Variants in GRAMD4 observed in about 807,000 individuals in gnomAD.
The protein encoded by GRAMD4 is GRAM domain containing 4, also known as GRAM domain-containing protein 4.
Under a neutral mutation model 83.9 loss-of-function variants are expected in GRAMD4, and 25 were observed. The observed-to-expected ratio is 0.30, with a 90% confidence interval of 0.22 to 0.42. The LOEUF (loss-of-function observed/expected upper bound fraction) is 0.42. Among genes scored for constraint, GRAMD4 ranks in the 10% least tolerant of loss-of-function variants. The pLI is 1.00. For missense variants in GRAMD4, 593 were observed against 788.7 expected, an observed-to-expected ratio of 0.75 and a Z score of 2.97; for synonymous variants, 336 against 320.9, an observed-to-expected ratio of 1.05 and a Z score of -0.50.
rs1345895870 is a variant in GRAMD4, at chr22:46,674,712, G to A, written c.1440G>A (p.Thr480=). 11 of 1,612,812 alleles carry A rather than the reference G, an allele frequency of 6.8e-6. No individual in the cohort carries two copies. The highest frequency in any genetic ancestry group is 2.7e-5 in the African/African-American group (2 of 74,942). The change falls in exon 16 of 19, where the codon ACG becomes ACA. Residue 480 remains threonine (T), a synonymous_variant. Coordinates refer to ENST00000406902, the MANE Select transcript of GRAMD4 (RefSeq NM_015124.5). ...CLINRDRKMP[T]DYIRNGVLYV... The stretch of plus-strand genomic sequence containing the variant: ...TCAACAGGGACCGGAAGATGCCCAC[G>A]GACTACATCAGGAACGGGGTGCTCT...
At chr22:46,609,230 G>C (rs113393264) in intron 1 of GRAMD4, among the ~76,000 whole-genome samples, 4 of 152,210 alleles carry the variant, frequency 2.6e-5, no homozygotes, top group African/African-American at 9.6e-5. Flanking sequence ...GTCTGGGCCG[G>C]CTTGGCCTCA....
intron 1 of GRAMD4, among the ~76,000 whole-genome samples, chr22:46,613,677 G>T (rs2081440361): frequency 1.3e-5 from 2 of 152,220 alleles, no homozygotes; most frequent in African/African-American, 4.8e-5. Context: ...GCAGAGGGCA[G>T]GGTGCCAGGA....
At position 46,622,601 on chromosome 22, in the gene GRAMD4, C is replaced by T. The variant is rs558114095; in HGVS notation, c.-50+2036C>T. ...AGCATCACAGATGTAATTTATGCCA[C>T]GGAGCTGCACGCTAAAAACTGGTGA... On this transcript the variant is annotated intron_variant, in intron 1 of 18. Coordinates refer to ENST00000406902, the MANE Select transcript of GRAMD4 (RefSeq NM_015124.5). This position sits in a 1 kb window ranked among gnomAD's most constrained non-coding sequence, Gnocchi z 4.0. Among the ~76,000 whole-genome samples, 5 of 152,220 alleles carry T rather than the reference C, an allele frequency of 3.3e-5. No homozygotes were observed. In the South Asian group the frequency reaches 6.2e-4, roughly 19 times the overall value.
At chr22:46,641,804 A>T (rs973246803) in intron 3 of GRAMD4, among the ~76,000 whole-genome samples, 1 of 152,132 alleles carries the variant, frequency 6.6e-6, no homozygotes, top group South Asian at 2.1e-4. Context: ...GTCATTTTCT[A>T]CTTCCGCTAT....
chr22:46,624,884 A>G (rs771976474), intron 1 of GRAMD4, among the ~76,000 whole-genome samples: 7 of 138,262 alleles, frequency 5.1e-5, no homozygotes, highest in Non-Finnish European at 7.7e-5. Flanking sequence ...TTTTTGAGAC[A>G]GAGTCTCGCT....
intron 1 of GRAMD4, among the ~76,000 whole-genome samples, chr22:46,603,567 A>T (rs2147061805): frequency 8.2e-6 from 1 of 122,408 alleles, no homozygotes; most frequent in East Asian, 2.4e-4. Context: ...CCCAGGCTGG[A>T]GTGCAGTGGC....
At chr22:46,646,757 G>C (rs1015886618) in intron 3 of GRAMD4, among the ~76,000 whole-genome samples, 1 of 152,200 alleles carries the variant, frequency 6.6e-6, no homozygotes, top group Non-Finnish European at 1.5e-5. Context: ...CTCTGTGTTA[G>C]TGTGTTTTCA....
chr22:46,665,092 T>C (rs544545059), intron 8 of GRAMD4, among the ~76,000 whole-genome samples: 13 of 152,352 alleles, frequency 8.5e-5, no homozygotes, highest in African/African-American at 2.2e-4. Context: ...CACGCTCCTG[T>C]GCCATGTCTG....
At chr22:46,594,365 G>C (rs960827598) in intron 1 of GRAMD4, among the ~76,000 whole-genome samples, 2 of 149,496 alleles carry the variant, frequency 1.3e-5, no homozygotes, top group Admixed American at 1.3e-4. Flanking sequence ...GGGTGGGGTG[G>C]GTATGGTGGG....
intron 3 of GRAMD4, among the ~76,000 whole-genome samples, chr22:46,655,500 G>C (rs1000870234): frequency 2.0e-5 from 3 of 152,176 alleles, no homozygotes; most frequent in Non-Finnish European, 4.4e-5. Context: ...GGATGGATCT[G>C]GGATCTTGGA....
At chr22:46,580,517 A>G (rs1274291800) in intron 1 of GRAMD4, among the ~76,000 whole-genome samples, 1 of 152,144 alleles carries the variant, frequency 6.6e-6, no homozygotes, top group African/African-American at 2.4e-5. Context: ...AGTTATGTGA[A>G]CAGAGTGTCA....
At chr22:46,670,257 C>T (rs762998357) in intron 13 of GRAMD4, among the ~76,000 whole-genome samples, 1 of 152,368 alleles carries the variant, frequency 6.6e-6, no homozygotes, top group East Asian at 1.9e-4. Flanking sequence ...CCTGACCCAG[C>T]GTAACTGCTG....
At chr22:46,618,722 G>GATGT (rs2147128629), upstream of GRAMD4, among the ~76,000 whole-genome samples, 2 of 152,196 alleles carry the variant, frequency 1.3e-5, no homozygotes, top group African/African-American at 4.8e-5. This position sits in a 1 kb window ranked among gnomAD's most constrained non-coding sequence, Gnocchi z 5.8. Flanking sequence ...GGAGGCACGC[G>GATGT]GCTGCCTGGA....
At chr22:46,671,166 G>A (rs913597873) in intron 13 of GRAMD4, 3 of 453,028 alleles carry the variant, frequency 6.6e-6, no homozygotes, top group Non-Finnish European at 1.4e-5. Flanking sequence ...CGGCCACCAC[G>A]TGGAGGAGGC....
At chr22:46,675,322 T>C (rs1025479521) in intron 16 of GRAMD4, 146 bp from the exon 17 acceptor site, 2 of 695,908 alleles carry the variant, frequency 2.9e-6, no homozygotes. Context: ...TGGCCGTGAG[T>C]GTTTCACCGG....
intron 1 of GRAMD4, among the ~76,000 whole-genome samples, chr22:46,606,779 A>G (rs2081369800): frequency 6.6e-6 from 1 of 152,246 alleles, no homozygotes; most frequent in Non-Finnish European, 1.5e-5. Context: ...TTGGACGGGC[A>G]CTCGGGTTAT....
At position 46,585,189 on chromosome 22, in the gene GRAMD4, CT is replaced by C. The variant is rs1175346006; in HGVS notation, c.-50+7902del. Among the ~76,000 whole-genome samples the C allele has an allele frequency of 1.2e-4, 18 of 145,398 alleles. No homozygotes were observed. The South Asian group carries it at 4.6e-3, about 37-fold the overall frequency. ...TGAGTGGAGCCTGTCTTTTTTCTTT[CT>C]TTCTTTTTTTTTTTTTTTAGATGGA... On this transcript the variant is annotated intron_variant, in intron 1 of 1. Transcript: ENST00000431155.
In GRAMD4 at chr22:46,635,279, C is replaced by T. The variant is rs35652750; in HGVS notation, c.163-2561C>T. Reference sequence around the variant, plus strand: ...CACTCCTGTCCTGGGGGACCGTGTCCTCCCTGCCCCCGCCCCCGGCCACTC... The same window carrying T: ...CACTCCTGTCCTGGGGGACCGTGTCTTCCCTGCCCCCGCCCCCGGCCACTC... On this transcript the variant is annotated intron_variant, in intron 2 of 18. Coordinates refer to ENST00000406902, the MANE Select transcript of GRAMD4 (RefSeq NM_015124.5). 7.1e-3 allele frequency among the ~76,000 whole-genome samples: 371 copies of T among 52,030 alleles called. 1 individual carries two copies. Among genetic ancestry groups the T allele is most frequent in the African/African-American group, 0.018 (169 of 9,526 alleles). The allele number at this position is 52,030 out of a possible 152,430, so 34.1% of individuals were successfully genotyped here.
chr22:46,658,079 G>A (rs756038745), intron 3 of GRAMD4, 108 bp from the exon 4 acceptor site: 15 of 1,381,864 alleles, frequency 1.1e-5, no homozygotes, highest in Non-Finnish European at 1.4e-5. Context: ...CGCTTACGGA[G>A]CAGAGACCCC....
Sources: gnomAD v4.1 joint callset for allele counts (sites outside exome capture counted in the v4.1 genomes callset) on GRCh38, gnomAD v4.1.1 for gene constraint, Gnocchi (gnomAD v3.1) non-coding constraint, MANE v1.5 for transcripts, NCBI Gene and HGNC (gene_info 2026-07-23, HGNC 2026-07-21) for gene names.